Variants in DISC1 observed in about 807,000 individuals in gnomAD.
DISC1 encodes the protein disrupted in schizophrenia 1 protein.
DISC1 carries 57 observed loss-of-function variants against 84.5 expected under a neutral mutation model. That is an observed-to-expected ratio of 0.67 (90% confidence interval 0.55 to 0.84). The LOEUF (loss-of-function observed/expected upper bound fraction) is 0.84. DISC1 is among the 40% of genes least tolerant of loss of function. The pLI, the probability that DISC1 is intolerant of heterozygous loss-of-function variation, is 0.00. For synonymous variants in DISC1, 411 were observed against 415.2 expected, an observed-to-expected ratio of 0.99 and a Z score of 0.12; for missense variants, 1,000 against 1,057.8, an observed-to-expected ratio of 0.95 and a Z score of 0.76.
intron 9 of DISC1, among the ~76,000 whole-genome samples, chr1:231,938,175 A>G (rs886862805): frequency 3.9e-5 from 6 of 152,108 alleles, no homozygotes; most frequent in African/African-American, 4.8e-5. Flanking sequence ...GTGAAGATGG[A>G]TGTTACAAGG....
chr1:231,895,754 T>C (rs193063589), intron 9 of DISC1, among the ~76,000 whole-genome samples: 61 of 152,314 alleles, frequency 4.0e-4, no homozygotes, highest in African/African-American at 1.4e-3. Context: ...ATAAAATAAC[T>C]GGGAAGTTTT....
intron 9 of DISC1, among the ~76,000 whole-genome samples, chr1:231,942,985 C>T (rs2091436106): frequency 6.6e-6 from 1 of 152,220 alleles, no homozygotes; most frequent in Non-Finnish European, 1.5e-5. Context: ...AGAAGGCTTG[C>T]CTTTTTCTCT....
At position 232,030,907 on chromosome 1, in the gene DISC1, G is replaced by A. The variant is rs181825146; in HGVS notation, c.2425+4355G>A. Among the ~76,000 whole-genome samples the A allele has an allele frequency of 2.6e-4, 39 of 152,218 alleles. No homozygotes were observed. The East Asian group carries it at 4.0e-3, about 16-fold the overall frequency. Reference sequence around the variant, plus strand: ...GTGGATGGATTGTTTGAGACCAGGAGTTTGAGACCAGCCTAGGCAACATGG... The same window carrying A: ...GTGGATGGATTGTTTGAGACCAGGAATTTGAGACCAGCCTAGGCAACATGG... On this transcript the variant is annotated intron_variant, in intron 12 of 12. Transcript: ENST00000439617.
intron 2 of DISC1, among the ~76,000 whole-genome samples, chr1:231,699,211 G>T (rs1419242631): frequency 1.3e-5 from 2 of 152,152 alleles, no homozygotes; most frequent in African/African-American, 4.8e-5. Context: ...ACCCTGTTCA[G>T]CAGAACAAGG....
intron 4 of DISC1, among the ~76,000 whole-genome samples, chr1:231,755,644 T>C (rs2075041203): frequency 6.6e-6 from 1 of 152,222 alleles, no homozygotes; most frequent in East Asian, 1.9e-4. Flanking sequence ...AATTTACCGT[T>C]GTTCTCCCCA....
chr1:231,855,375 C>T lies in DISC1; in HGVS notation c.1981+36858C>T, dbSNP rs6664260. The T allele has an allele frequency of 0.012, 12,155 of 984,600 alleles. 1,073 individuals carry two copies. The African/African-American group carries it at 0.19, about 15-fold the overall frequency. 61.0% of individuals were successfully genotyped at this position (984,600 alleles called of 1,614,324 possible). ...CATTAAAAAGACAAAAATAACTTTC[C>T]ATAAATGAGCTCAAGTTATTTCATC... is the stretch of plus-strand genomic sequence containing the variant. On this transcript the variant is annotated intron_variant, in intron 9 of 12. Transcript: ENST00000439617.
chr1:231,697,306 A>AT (rs1256840066), intron 2 of DISC1, among the ~76,000 whole-genome samples: 3 of 152,184 alleles, frequency 2.0e-5, no homozygotes, highest in African/African-American at 7.2e-5. Flanking sequence ...AATCTCAGGA[A>AT]TTTAAGTTTC....
chr1:231,974,640 T>G (rs1284867842), intron 10 of DISC1, among the ~76,000 whole-genome samples: 1 of 152,242 alleles, frequency 6.6e-6, no homozygotes, highest in Non-Finnish European at 1.5e-5. Flanking sequence ...AGCATGAATT[T>G]AAATTCTTAT....
chr1:231,941,745 A>AC (rs1323763741), intron 9 of DISC1, among the ~76,000 whole-genome samples: 25 of 152,304 alleles, frequency 1.6e-4, no homozygotes, highest in African/African-American at 4.6e-4. Flanking sequence ...TGCTGGGATT[A>AC]CAGGCGTGAG....
chr1:231,687,081 A>T (rs1429198928), intron 1 of DISC1, among the ~76,000 whole-genome samples: 6 of 152,174 alleles, frequency 3.9e-5, no homozygotes, highest in Non-Finnish European at 8.8e-5. Flanking sequence ...CCATTCAACA[A>T]GTCTCTAGGG....
intron 3 of DISC1, chr1:231,721,041 T>A: frequency 7.7e-7 from 1 of 1,291,002 alleles, no homozygotes; most frequent in Non-Finnish European, 1.0e-6. Context: ...CATGCCATTC[T>A]GGAACTTTTC....
intron 3 of DISC1, chr1:231,721,124 A>G (rs2069622362): frequency 1.6e-6 from 2 of 1,280,980 alleles, no homozygotes; most frequent in African/African-American, 3.0e-5. Context: ...GAGTACAATA[A>G]CATTAGCTCT....
At chr1:231,721,825 G>GA (rs948786205) in intron 3 of DISC1, among the ~76,000 whole-genome samples, 10 of 151,932 alleles carry the variant, frequency 6.6e-5, no homozygotes, top group Non-Finnish European at 8.8e-5. Flanking sequence ...AACAAACAAT[G>GA]AAAAAAAATC....
intron 9 of DISC1, among the ~76,000 whole-genome samples, chr1:231,872,856 C>T (rs917876383): frequency 2.0e-5 from 3 of 152,326 alleles, no homozygotes; most frequent in East Asian, 1.9e-4. Context: ...ATTTCAGAGG[C>T]AGGTTCCTTT....
At chr1:231,829,321 T>A (rs1243171550) in intron 9 of DISC1, among the ~76,000 whole-genome samples, 1 of 152,226 alleles carries the variant, frequency 6.6e-6, no homozygotes, top group African/African-American at 2.4e-5. Context: ...TCATGCCTTG[T>A]TTTTGCATAT....
rs1670557897 is a variant in DISC1, at chr1:232,036,791, C to G, written c.2525C>G (p.Ala842Gly). 1 of 1,601,506 alleles carries G rather than the reference C, an allele frequency of 6.2e-7. No individual in the cohort carries two copies. Among genetic ancestry groups the G allele is most frequent in the East Asian group, 2.2e-5 (1 of 44,510 alleles). ...AKEAGEREAA[A>G]SCMTAGVHEA... is the part of the protein sequence containing the mutation. Reference sequence around the variant, plus strand: ...GAGGCGGGAGAAAGAGAAGCTGCAGCTTCCTGCATGACAGCTGGTGTCCAC... The same window carrying G: ...GAGGCGGGAGAAAGAGAAGCTGCAGGTTCCTGCATGACAGCTGGTGTCCAC... Residue 842 changes from alanine (A) to glycine (G), a missense_variant, in exon 13 of 13, where the codon GCT becomes GGT. Physicochemically the swap from Ala to Gly is moderately conservative, Grantham distance 60 (BLOSUM62 0). Transcript: ENST00000439617.
chr1:231,867,465 G>A (rs1391299962), intron 9 of DISC1, among the ~76,000 whole-genome samples: 1 of 152,086 alleles, frequency 6.6e-6, no homozygotes, highest in Non-Finnish European at 1.5e-5. Flanking sequence ...TAATAATAGA[G>A]GGAATAGTGA....
At chr1:231,814,881 T>G (rs768124427) in intron 8 of DISC1, 16 of 151,694 alleles carry the variant, frequency 1.1e-4, no homozygotes, top group Non-Finnish European at 2.2e-4. Flanking sequence ...TCCTGACCAC[T>G]TCCTGGCTGA....
At chr1:231,913,227 G>A (rs1290981961) in intron 9 of DISC1, among the ~76,000 whole-genome samples, 2 of 152,206 alleles carry the variant, frequency 1.3e-5, no homozygotes, top group East Asian at 3.9e-4. Flanking sequence ...GACAGTAGCT[G>A]TAATCCCATC....
Sources: gnomAD v4.1 joint callset for allele counts (sites outside exome capture counted in the v4.1 genomes callset) on GRCh38, gnomAD v4.1.1 for gene constraint, MANE v1.5 for transcripts, NCBI Gene and HGNC (gene_info 2026-07-23, HGNC 2026-07-21) for gene names.